The following ALDH1A1 variants were observed in gnomAD, a reference collection of about 807,000 sequenced individuals.
The protein encoded by ALDH1A1 is aldehyde dehydrogenase 1A1.
In ALDH1A1, 19 loss-of-function variants were observed where a neutral mutation model predicts 62.1. The observed-to-expected ratio is 0.31, with a 90% CI of 0.21 to 0.45. The LOEUF (loss-of-function observed/expected upper bound fraction) is 0.45. ALDH1A1 is among the 20% of genes least tolerant of loss of function. The probability of loss-of-function intolerance (pLI) is 1.00; values close to 1 mark genes in which losing one functional copy is unlikely to be tolerated. For missense variants in ALDH1A1, 521 were observed against 607.1 expected (o/e 0.86, Z 1.49); for synonymous variants, 231 against 215.9 (o/e 1.07, Z -0.61).
intron 2 of ALDH1A1, 64 bp downstream of exon 2, chr9:72,940,084 G>C (rs770674192): frequency 9.0e-6 from 11 of 1,222,832 alleles, no homozygotes; most frequent in Non-Finnish European, 1.3e-5. Flanking sequence ...TGGGGTTCAG[G>C]AGCTCAGAAT....
intron 11 of ALDH1A1, 47 bp from the exon 12 acceptor site, chr9:72,906,079 A>G (rs1829874520): frequency 6.8e-7 from 1 of 1,477,380 alleles, no homozygotes; most frequent in Non-Finnish European, 9.2e-7. Flanking sequence ...AAGGTGTGAA[A>G]AAAAAATCCT....
chr9:72,942,601 T>C (rs1830428133), intron 1 of ALDH1A1, among the ~76,000 whole-genome samples: 1 of 152,174 alleles, frequency 6.6e-6, no homozygotes, highest in African/African-American at 2.4e-5. Context: ...TCCTCTATTG[T>C]CAGACTGCTT....
At chr9:72,917,702 G>A (rs1263226961) in intron 8 of ALDH1A1, among the ~76,000 whole-genome samples, 1 of 150,862 alleles carries the variant, frequency 6.6e-6, no homozygotes. Context: ...TATTTCATAT[G>A]TGCCTATAAA....
chr9:72,916,108 T>C (rs1443070723), intron 9 of ALDH1A1, among the ~76,000 whole-genome samples: 5 of 152,112 alleles, frequency 3.3e-5, no homozygotes, highest in Admixed American at 6.6e-5. Context: ...ACTCACTAGA[T>C]GCCTGTAGAG....
chr9:72,923,055 C>T (rs1238337745), intron 7 of ALDH1A1, among the ~76,000 whole-genome samples: 1 of 152,130 alleles, frequency 6.6e-6, no homozygotes, highest in African/African-American at 2.4e-5. Context: ...TTATGCTCAC[C>T]ACACTATCTG....
intron 9 of ALDH1A1, among the ~76,000 whole-genome samples, chr9:72,915,769 A>C (rs1211875461): frequency 6.6e-6 from 1 of 152,194 alleles, no homozygotes; most frequent in Non-Finnish European, 1.5e-5. Flanking sequence ...TGTAAACTCC[A>C]TGAGGTCCGG....
intron 10 of ALDH1A1, among the ~76,000 whole-genome samples, chr9:72,910,518 G>T (rs116186401): frequency 6.6e-6 from 1 of 152,228 alleles, no homozygotes; most frequent in African/African-American, 2.4e-5. Context: ...CTAACGTAAA[G>T]TACTCTTTTG....
At chr9:72,928,188 C>T (rs1266338656) in intron 4 of ALDH1A1, among the ~76,000 whole-genome samples, 1 of 151,436 alleles carries the variant, frequency 6.6e-6, no homozygotes, top group Non-Finnish European at 1.5e-5. Flanking sequence ...TATTGTATTC[C>T]TAAAGTTCAT....
In ALDH1A1 at chr9:72,933,444, T is replaced by G. The variant is rs1465664598; in HGVS notation, c.172-2425A>C. ...TTCTTTAAAATCAAGGTATGTTGCT[T>G]GGTGTGGTGGCGTGTGCCTGTAGTC... On this transcript the variant is annotated intron_variant, in intron 2 of 12. Transcript: ENST00000297785. Among the ~76,000 whole-genome samples the G allele has an allele frequency of 7.2e-5, 11 of 151,970 alleles. No homozygotes were observed. In the East Asian group the frequency reaches 1.4e-3, roughly 19 times the overall value.
chr9:72,927,768 G>T (rs1445406250), intron 4 of ALDH1A1, among the ~76,000 whole-genome samples: 1 of 152,024 alleles, frequency 6.6e-6, no homozygotes, highest in Non-Finnish European at 1.5e-5. Flanking sequence ...CTACTGACTT[G>T]TTCTAAAATG....
chr9:72,942,576 A>G (rs1351366665), intron 1 of ALDH1A1, among the ~76,000 whole-genome samples: 1 of 152,116 alleles, frequency 6.6e-6, no homozygotes, highest in Non-Finnish European at 1.5e-5. Flanking sequence ...AGCCCTCCTC[A>G]GAATACTTTA....
chr9:72,950,013 G>A (rs1830524811), intron 1 of ALDH1A1, among the ~76,000 whole-genome samples: 2 of 151,682 alleles, frequency 1.3e-5, no homozygotes. Flanking sequence ...GTACAAAAAA[G>A]AGTGACAGAA....
At chr9:72,908,223 C>A (rs1829901338) in intron 11 of ALDH1A1, among the ~76,000 whole-genome samples, 1 of 151,684 alleles carries the variant, frequency 6.6e-6, no homozygotes, top group Non-Finnish European at 1.5e-5. Context: ...AGTTCGAGAC[C>A]AGTCCGGCCA....
intron 7 of ALDH1A1, 176 bp downstream of exon 7, chr9:72,923,843 C>T (rs1467537832): frequency 1.6e-5 from 7 of 426,040 alleles, no homozygotes; most frequent in African/African-American, 2.1e-5. Context: ...TGCATCATGT[C>T]ATTCAAACTA....
rs772496943 is a variant in ALDH1A1, at chr9:72,901,297, CAT to C, written c.1434-19_1434-18del. The C allele has an allele frequency of 2.6e-4, 410 of 1,568,736 alleles. No individual in the cohort carries two copies. The highest frequency in any genetic ancestry group is 3.9e-4 in the Admixed American group (23 of 59,628). ...TACTCTCCCCTAGAGAGAAGAAAAA[CAT>C]ACCCACAAACACCATTTAGCACAGC... On this transcript the variant is annotated intron_variant, in intron 12 of 12. Coordinates refer to ENST00000297785, the MANE Select transcript of ALDH1A1 (RefSeq NM_000689.5).
Position 72,905,984 on chromosome 9 carries a change from G to A in ALDH1A1, c.1407C>T (p.Phe469=). The A allele has an allele frequency of 1.2e-6, 2 of 1,611,442 alleles. No individual in the cohort carries two copies. The highest frequency in any genetic ancestry group is 1.7e-6 in the Non-Finnish European group (2 of 1,178,550). ...GTTCTCTTCCATTTCCAGACATCTT[G>A]AATCCACCAAAGGGGCACTGGGCAC... is the stretch of plus-strand genomic sequence containing the variant. ...VVSAQCPFGG[F]KMSGNGRELG... is the part of the protein sequence containing the mutation. The change falls in exon 12 of 13, where the codon TTC becomes TTT. Residue 469 remains phenylalanine (F), a synonymous_variant. Transcript: ENST00000297785.
chr9:72,905,865 T>A, intron 12 of ALDH1A1, 93 bp downstream of exon 12: 1 of 1,066,640 alleles, frequency 9.4e-7, no homozygotes. Context: ...AGAGGCAGGT[T>A]TTATGTAAGG....
chr9:72,901,390 A>G (rs1829801711), intron 12 of ALDH1A1, 110 bp from the exon 13 acceptor site: 2 of 692,180 alleles, frequency 2.9e-6, no homozygotes, highest in Non-Finnish European at 4.8e-6. Context: ...TAGGGACAAT[A>G]GAAAATATTT....
intron 5 of ALDH1A1, 54 bp downstream of exon 5, chr9:72,927,048 GCTTCATCATTAGAT>G: frequency 8.9e-7 from 1 of 1,117,986 alleles, no homozygotes; most frequent in Non-Finnish European, 1.3e-6. Context: ...TTTAGAGAAA[GCTTCATCATTAGAT>G]AGAATAAGAA....
Sources: gnomAD v4.1 joint callset for allele counts (sites outside exome capture counted in the v4.1 genomes callset) on GRCh38, gnomAD v4.1.1 for gene constraint, MANE v1.5 for transcripts, NCBI Gene and HGNC (gene_info 2026-07-23, HGNC 2026-07-21) for gene names.